Variants in NBEA observed in about 807,000 individuals in gnomAD.
NBEA encodes the protein lysosomal-trafficking regulator 2.
In NBEA, 44 loss-of-function variants were observed where a neutral mutation model predicts 343.4. The ratio of observed to expected loss-of-function variants is 0.13; its 90% CI spans 0.10 to 0.16. The LOEUF (loss-of-function observed/expected upper bound fraction) is 0.16, where lower values mean the gene tolerates loss of function less well. NBEA is among the 10% of genes least tolerant of loss of function. The probability of loss-of-function intolerance (pLI) is 1.00; values close to 1 mark genes in which losing one functional copy is unlikely to be tolerated. For synonymous variants in NBEA, 1,175 were observed against 1,238.7 expected (o/e 0.95, Z 1.08); for missense variants, 2,555 against 3,631.3 (o/e 0.70, Z 7.62).
intron 17 of NBEA, among the ~76,000 whole-genome samples, chr13:35,139,636 C>CTGAACTAA (rs1467278887): frequency 6.6e-6 from 1 of 151,526 alleles, no homozygotes; most frequent in Admixed American, 6.6e-5. Flanking sequence ...GAAGCCTTTC[C>CTGAACTAA]TGAACTAAAC....
At chr13:34,973,708 A>G (rs1025136846) in intron 1 of NBEA, among the ~76,000 whole-genome samples, 3 of 152,148 alleles carry the variant, frequency 2.0e-5, no homozygotes, top group African/African-American at 7.2e-5. Flanking sequence ...TGTCCCAGGT[A>G]GGGGTGACAC....
chr13:35,619,500 C>A (rs1380115740), intron 48 of NBEA, among the ~76,000 whole-genome samples: 1 of 152,144 alleles, frequency 6.6e-6, no homozygotes, highest in East Asian at 1.9e-4. Context: ...TTAACACTCC[C>A]CCACCCAACC....
At chr13:35,175,282 T>A (rs543308971) in intron 27 of NBEA, among the ~76,000 whole-genome samples, 55 of 152,278 alleles carry the variant, frequency 3.6e-4, no homozygotes, top group African/African-American at 1.2e-3. Flanking sequence ...AGTGTTTGTA[T>A]TAATTAGACA....
chr13:35,440,556 T>C (rs1247517737), intron 39 of NBEA, among the ~76,000 whole-genome samples: 1 of 152,030 alleles, frequency 6.6e-6, no homozygotes, highest in Non-Finnish European at 1.5e-5. Context: ...GAGAGTGGCA[T>C]TGTGGAAAAA....
At chr13:35,498,841 A>G (rs1594812274) in intron 41 of NBEA, among the ~76,000 whole-genome samples, 2 of 152,052 alleles carry the variant, frequency 1.3e-5, no homozygotes, top group African/African-American at 4.8e-5. Context: ...CTTATACCTT[A>G]TGCTCAGTTA....
intron 1 of NBEA, among the ~76,000 whole-genome samples, chr13:34,996,938 A>T (rs2060963345): frequency 6.6e-6 from 1 of 152,118 alleles, no homozygotes; most frequent in African/African-American, 2.4e-5. Context: ...TAAATCTATT[A>T]TTTATGTCCT....
At chr13:35,131,180 T>C (rs1435206922) in intron 17 of NBEA, among the ~76,000 whole-genome samples, 1 of 152,118 alleles carries the variant, frequency 6.6e-6, no homozygotes, top group African/African-American at 2.4e-5. Flanking sequence ...AGCCGTATTA[T>C]TCACTTATAA....
chr13:35,023,991 A>G (rs1402943244), intron 1 of NBEA, among the ~76,000 whole-genome samples: 1 of 152,120 alleles, frequency 6.6e-6, no homozygotes, highest in Non-Finnish European at 1.5e-5. Context: ...CTCCACTCTC[A>G]GGTAGGCCCT....
intron 30 of NBEA, among the ~76,000 whole-genome samples, chr13:35,192,634 G>T (rs1042819565): frequency 6.6e-6 from 1 of 151,796 alleles, no homozygotes; most frequent in African/African-American, 2.4e-5. Flanking sequence ...ATTGTGTTTT[G>T]TAATCTAGAG....
intron 38 of NBEA, among the ~76,000 whole-genome samples, chr13:35,359,085 C>T (rs928433796): frequency 3.3e-5 from 5 of 152,140 alleles, no homozygotes; most frequent in Non-Finnish European, 7.4e-5. Flanking sequence ...GGATTTGTGA[C>T]TTTATCCTAA....
chr13:35,214,898 GCT>G (rs1299025318), intron 33 of NBEA, among the ~76,000 whole-genome samples: 1 of 151,602 alleles, frequency 6.6e-6, no homozygotes, highest in Non-Finnish European at 1.5e-5. Flanking sequence ...TTGGGATTTG[GCT>G]CTGTCTTTAT....
intron 38 of NBEA, among the ~76,000 whole-genome samples, chr13:35,427,989 A>T (rs185254867): frequency 6.6e-6 from 1 of 152,156 alleles, no homozygotes. Flanking sequence ...GGGAAAGCGC[A>T]GTATTAGGGT....
At chr13:35,494,103 A>T (rs544659925) in intron 41 of NBEA, among the ~76,000 whole-genome samples, 79 of 151,952 alleles carry the variant, frequency 5.2e-4, no homozygotes, top group Admixed American at 1.6e-3. Flanking sequence ...TATGAATATA[A>T]GGAATACAAA....
At chr13:35,408,708 A>G (rs2043410107) in intron 38 of NBEA, among the ~76,000 whole-genome samples, 1 of 152,206 alleles carries the variant, frequency 6.6e-6, no homozygotes, top group Non-Finnish European at 1.5e-5. Flanking sequence ...AACACTTTTC[A>G]AAAGAAGACA....
At chr13:35,343,696 C>G (rs991049865) in intron 36 of NBEA, among the ~76,000 whole-genome samples, 7 of 152,002 alleles carry the variant, frequency 4.6e-5, no homozygotes, top group African/African-American at 1.7e-4. Flanking sequence ...GAGCATGGAC[C>G]CTATTGTGAA....
At chr13:35,231,829 A>G (rs766510864) in intron 33 of NBEA, among the ~76,000 whole-genome samples, 1 of 152,086 alleles carries the variant, frequency 6.6e-6, no homozygotes, top group Non-Finnish European at 1.5e-5. Flanking sequence ...ATCTGTTACT[A>G]TGTTATTCAT....
intron 41 of NBEA, among the ~76,000 whole-genome samples, chr13:35,480,335 G>A (rs2076071550): frequency 6.6e-6 from 1 of 151,934 alleles, no homozygotes; most frequent in South Asian, 2.1e-4. Flanking sequence ...ATACAAGAAT[G>A]CAATATTTCT....
rs540399680 is a variant in NBEA, at chr13:35,312,222, C to G, written c.5903+2630C>G. ...GGTATAGGTAATGATGCAATCGTAC[C>G]ACAGAATAATTTACCTAGTCTGGAG... On this transcript the variant is annotated intron_variant, in intron 36 of 58. Coordinates refer to ENST00000379939, the MANE Select transcript of NBEA (RefSeq NM_001385012.1). Among the ~76,000 whole-genome samples the G allele has an allele frequency of 2.0e-5, 3 of 152,108 alleles. No homozygotes were observed. The South Asian group carries it at 6.2e-4, about 32-fold the overall frequency.
chr13:35,639,261 TA>T (rs1409202466), intron 49 of NBEA, among the ~76,000 whole-genome samples: 7 of 152,190 alleles, frequency 4.6e-5, no homozygotes, highest in Admixed American at 3.9e-4. Context: ...GTTTAATATT[TA>T]TAAAGCAAGA....
Sources: allele counts gnomAD v4.1 joint callset (sites outside exome capture counted in the v4.1 genomes callset), GRCh38; gene constraint gnomAD v4.1.1; transcripts MANE v1.5; gene names NCBI Gene and HGNC (gene_info 2026-07-23, HGNC 2026-07-21).